The following CRHR2 variants were observed in gnomAD, a reference collection of about 807,000 sequenced individuals.
CRHR2 encodes the protein corticotropin-releasing hormone receptor 2.
In CRHR2, 53 loss-of-function variants were observed where a neutral mutation model predicts 57.9. The ratio of observed to expected loss-of-function variants is 0.92; its 90% CI spans 0.73 to 1.15. The LOEUF (loss-of-function observed/expected upper bound fraction) is 1.15. Ranked by LOEUF, CRHR2 falls within the 50% of genes most tolerant of loss-of-function variation. CRHR2 has a pLI of 0.00. For missense variants in CRHR2, 532 were observed against 542.6 expected, an observed-to-expected ratio of 0.98 and a Z score of 0.19; for synonymous variants, 213 against 220.9, an observed-to-expected ratio of 0.96 and a Z score of 0.32.
intron 2 of CRHR2, among the ~76,000 whole-genome samples, chr7:30,680,624 C>T (rs1311138046): frequency 6.6e-6 from 1 of 152,076 alleles, no homozygotes; most frequent in African/African-American, 2.4e-5. Context: ...TTGCACACCT[C>T]CTAGCTTGGG....
chr7:30,653,293 G>A lies in CRHR2; in HGVS notation c.*167C>T. On this transcript the variant is annotated 3_prime_UTR_variant, in exon 12 of 12. Transcript: ENST00000471646. This position sits in a 1 kb window ranked among gnomAD's most constrained non-coding sequence, Gnocchi z 5.0. The stretch of plus-strand genomic sequence containing the variant: ...AGCCTGGTGGCCCCCACTCATCCCT[G>A]TCCCTTGCAGTCCCCCTTGGCTGCC... The A allele has an allele frequency of 1.0e-6, 1 of 966,524 alleles. No individual in the cohort carries two copies. The highest frequency in any genetic ancestry group is 1.5e-6 in the Non-Finnish European group (1 of 654,588). The allele number at this position is 966,524 out of a possible 1,614,324, so 59.9% of individuals were successfully genotyped here.
intron 11 of CRHR2, 125 bp downstream of exon 11, chr7:30,654,914 G>A: frequency 2.6e-6 from 4 of 1,553,100 alleles, no homozygotes; most frequent in Non-Finnish European, 3.5e-6. Context: ...CCTAAGGCCG[G>A]GTGGTATCTC....
rs112572474 is a variant in CRHR2, at chr7:30,695,624, C to T, written c.-261+4320G>A. On this transcript the variant is annotated intron_variant, in intron 1 of 13. Coordinates refer to the CRHR2 transcript ENST00000341843. ...CAGCAGGAGGTCCCGTAGCAGGCCA[C>T]TTGGCCTAAAGCTATCTCCTTAATT... Among the ~76,000 whole-genome samples the T allele has an allele frequency of 4.3e-3, 652 of 152,308 alleles. 4 individuals are homozygous for T. Among genetic ancestry groups the T allele is most frequent in the Middle Eastern group, 0.027 (8 of 294 alleles).
At chr7:30,659,523 G>T (rs1287070601) in intron 8 of CRHR2, among the ~76,000 whole-genome samples, 1 of 152,168 alleles carries the variant, frequency 6.6e-6, no homozygotes, top group Non-Finnish European at 1.5e-5. Context: ...GCAGCTGGGA[G>T]TCCAAGGACA....
At chr7:30,694,672 G>T (rs1389889139) in intron 1 of CRHR2, among the ~76,000 whole-genome samples, 1 of 152,126 alleles carries the variant, frequency 6.6e-6, no homozygotes, top group Non-Finnish European at 1.5e-5. Flanking sequence ...GCTGGGAGGG[G>T]CAGCATTCCA....
intron 2 of CRHR2, 38 bp from the exon 3 acceptor site, chr7:30,667,351 C>A (rs1784219184): frequency 6.3e-7 from 1 of 1,591,038 alleles, no homozygotes; most frequent in Non-Finnish European, 8.6e-7. Context: ...CAGGTCACTC[C>A]CCTCCTCAAG....
At chr7:30,668,731 C>T (rs576348863) in intron 2 of CRHR2, among the ~76,000 whole-genome samples, 2 of 152,290 alleles carry the variant, frequency 1.3e-5, no homozygotes, top group East Asian at 3.9e-4. Context: ...GCCTGGAGCT[C>T]ATCCATTCTT....
At chr7:30,690,420 G>T (rs572628598) in intron 1 of CRHR2, among the ~76,000 whole-genome samples, 1 of 35,580 alleles carries the variant, frequency 2.8e-5, no homozygotes, top group South Asian at 4.9e-4. Flanking sequence ...TCTATGGTCA[G>T]CGTGTGTGTG....
intron 1 of CRHR2, among the ~76,000 whole-genome samples, chr7:30,695,460 A>ACGCC (rs1201570021): frequency 6.6e-6 from 1 of 151,524 alleles, no homozygotes; most frequent in Non-Finnish European, 1.5e-5. Flanking sequence ...TTCTCTCTGA[A>ACGCC]CGCCCATGAA....
chr7:30,684,212 C>T (rs896443401), upstream of CRHR2, among the ~76,000 whole-genome samples: 9 of 152,214 alleles, frequency 5.9e-5, no homozygotes, highest in South Asian at 4.1e-4. Flanking sequence ...TCCTACCCTC[C>T]GCTCCTAGAC....
At chr7:30,679,071 T>C (rs1784614133) in intron 2 of CRHR2, among the ~76,000 whole-genome samples, 1 of 152,012 alleles carries the variant, frequency 6.6e-6, no homozygotes, top group Non-Finnish European at 1.5e-5. Flanking sequence ...AACACACTCC[T>C]CCCAAGGCAC....
Position 30,653,809 on chromosome 7 carries a change from C to CCT in CRHR2, c.1096-211_1096-210dup, listed in dbSNP as rs1783674625. ...TTTCCTGGAGAAGCTTGACTCCACA[C>CCT]CTCCTTTACTCCACACTGTCCTCCC... On this transcript the variant is annotated intron_variant, in intron 11 of 11. Transcript: ENST00000471646. This position sits in a 1 kb window ranked among gnomAD's most constrained non-coding sequence, Gnocchi z 5.0. Among the ~76,000 whole-genome samples, 1 of 152,162 alleles carries CCT rather than the reference C, an allele frequency of 6.6e-6. No homozygotes were observed. Among genetic ancestry groups the CCT allele is most frequent in the African/African-American group, 2.4e-5 (1 of 41,430 alleles).
intron 8 of CRHR2, among the ~76,000 whole-genome samples, chr7:30,658,371 C>T (rs1290187720): frequency 6.6e-6 from 1 of 152,090 alleles, no homozygotes; most frequent in African/African-American, 2.4e-5. Flanking sequence ...CAGGCATCAG[C>T]GATGGCGAAG....
intron 2 of CRHR2, among the ~76,000 whole-genome samples, chr7:30,669,245 C>T (rs1433061816): frequency 6.6e-6 from 1 of 152,136 alleles, no homozygotes; most frequent in East Asian, 1.9e-4. Context: ...TTCAGGAAGA[C>T]CTCCTTGATT....
intron 5 of CRHR2, 53 bp from the exon 6 acceptor site, chr7:30,662,900 C>A: frequency 6.3e-7 from 1 of 1,587,858 alleles, no homozygotes; most frequent in East Asian, 2.3e-5. Flanking sequence ...CCAGGTAGGA[C>A]ATACCCATCC....
At chr7:30,696,666 G>A (rs971455272) in intron 1 of CRHR2, among the ~76,000 whole-genome samples, 2 of 152,292 alleles carry the variant, frequency 1.3e-5, no homozygotes. Flanking sequence ...AGAGGTTGCA[G>A]TGAGCCGAGA....
At chr7:30,695,393 G>T (rs1453790866) in intron 1 of CRHR2, among the ~76,000 whole-genome samples, 1 of 152,072 alleles carries the variant, frequency 6.6e-6, no homozygotes, top group Non-Finnish European at 1.5e-5. Context: ...TTCCTTCCCA[G>T]TTCCCCTCCA....
upstream of CRHR2, among the ~76,000 whole-genome samples, chr7:30,682,851 C>T (rs970670838): frequency 2.0e-5 from 3 of 152,238 alleles, no homozygotes; most frequent in African/African-American, 7.2e-5. Flanking sequence ...CCTCCCTGAG[C>T]GAGGACACTG....
chr7:30,664,246 C>T (rs369795607), intron 5 of CRHR2, among the ~76,000 whole-genome samples: 3 of 152,216 alleles, frequency 2.0e-5, no homozygotes, highest in African/African-American at 7.2e-5. Flanking sequence ...GTCGGTGTGC[C>T]ACAGGGCTCT....
Sources: gnomAD v4.1 joint callset for allele counts (sites outside exome capture counted in the v4.1 genomes callset) on GRCh38, gnomAD v4.1.1 for gene constraint, Gnocchi (gnomAD v3.1) non-coding constraint, MANE v1.5 for transcripts, NCBI Gene and HGNC (gene_info 2026-07-23, HGNC 2026-07-21) for gene names.